APOLD1: variants seen among roughly 807,000 people sequenced by gnomAD.
APOLD1 encodes the protein apolipoprotein L domain containing 1.
In APOLD1, 22 loss-of-function variants were observed where a neutral mutation model predicts 15.3. The observed-to-expected ratio is 1.44, with a 90% confidence interval of 1.03 to 2.05. APOLD1 has a LOEUF of 2.05. APOLD1 is among the 30% of genes most tolerant of loss of function. The pLI, the probability that APOLD1 is intolerant of heterozygous loss-of-function variation, is 0.00. For missense variants in APOLD1, 394 were observed against 353.5 expected, an observed-to-expected ratio of 1.11 and a Z score of -0.92; for synonymous variants, 190 against 167.4, an observed-to-expected ratio of 1.13 and a Z score of -1.04.
At chr12:12,782,256 CTCAAACAA>C (rs1350981776), upstream of APOLD1, among the ~76,000 whole-genome samples, 3 of 129,526 alleles carry the variant, frequency 2.3e-5, no homozygotes, top group African/African-American at 9.9e-5. Context: ...AAGACTCCGT[CTCAAACAA>C]ACAAACAAAC....
chr12:12,726,373 G>T, intron 1 of APOLD1: 1 of 521,336 alleles, frequency 1.9e-6, no homozygotes, highest in Non-Finnish European at 3.5e-6. Flanking sequence ...TTGATTTCTG[G>T]GTACGGAAAT....
intron 1 of APOLD1, among the ~76,000 whole-genome samples, chr12:12,735,377 G>T (rs1946676469): frequency 6.6e-6 from 1 of 152,110 alleles, no homozygotes; most frequent in Non-Finnish European, 1.5e-5. Flanking sequence ...CCCTCCTAAA[G>T]AAATGACTTT....
At chr12:12,760,638 T>C (rs1592300290) in intron 1 of APOLD1, among the ~76,000 whole-genome samples, 1 of 121,556 alleles carries the variant, frequency 8.2e-6, no homozygotes, top group African/African-American at 3.3e-5. Context: ...AAACTCTGTC[T>C]CAAAAAAAAA....
intron 1 of APOLD1, among the ~76,000 whole-genome samples, chr12:12,730,760 TA>T (rs1421685403): frequency 1.0e-4 from 15 of 145,784 alleles, no homozygotes; most frequent in African/African-American, 3.1e-4. Flanking sequence ...ATAACTCTCA[TA>T]GGGTATTAAA....
intron 1 of APOLD1, among the ~76,000 whole-genome samples, chr12:12,740,457 C>T (rs570811576): frequency 6.6e-6 from 1 of 152,276 alleles, no homozygotes; most frequent in East Asian, 1.9e-4. Context: ...TTTGCTTCAG[C>T]CCTGAGGTCC....
chr12:12,759,600 A>G (rs1181686550), intron 1 of APOLD1, among the ~76,000 whole-genome samples: 1 of 152,218 alleles, frequency 6.6e-6, no homozygotes, highest in Non-Finnish European at 1.5e-5. Flanking sequence ...CGCACTTCCT[A>G]CAAGGACAGT....
intron 1 of APOLD1, among the ~76,000 whole-genome samples, chr12:12,765,954 T>C (rs917812858): frequency 6.6e-6 from 1 of 152,158 alleles, no homozygotes; most frequent in Admixed American, 6.5e-5. Context: ...GGATCCTCTG[T>C]TGCAAAGATC....
At position 12,788,254 on chromosome 12, in the gene APOLD1, T is replaced by G. The variant is rs1483272799; in HGVS notation, c.*602T>G. On this transcript the variant is annotated 3_prime_UTR_variant, in exon 2 of 2. Coordinates refer to ENST00000356591, the MANE Select transcript of APOLD1 (RefSeq NM_030817.3). ...TCCCAGATGCGGCCTGGGTATGAAG[T>G]AGGCCTTTCCTGAGTGGCTCCCAAT... 3 of 152,408 alleles carry G rather than the reference T, an allele frequency of 2.0e-5. No homozygotes were observed. The highest frequency in any genetic ancestry group is 7.2e-5 in the African/African-American group (3 of 41,436). The allele number at this position is 152,408 out of a possible 1,614,324, so 9.4% of individuals were successfully genotyped here. A position where few individuals can be genotyped will look rare whatever the true frequency, so the allele number is the denominator to read the frequency against.
intron 1 of APOLD1, among the ~76,000 whole-genome samples, chr12:12,761,735 T>C (rs1946899822): frequency 6.6e-6 from 1 of 151,802 alleles, no homozygotes; most frequent in African/African-American, 2.4e-5. Flanking sequence ...AAAATGTCTG[T>C]ATATGAGAGG....
chr12:12,726,083 C>G (rs1946589489), exon 1 of APOLD1: 2 of 1,525,826 alleles, frequency 1.3e-6, no homozygotes, highest in African/African-American at 2.8e-5. Context: ...TGCACCTTCC[C>G]CTGCCTTGGA....
Position 12,790,413 on chromosome 12 carries a change from A to G in APOLD1, c.*2761A>G, listed in dbSNP as rs575123799. On this transcript the variant is annotated 3_prime_UTR_variant, in exon 2 of 2. Coordinates refer to ENST00000356591, the MANE Select transcript of APOLD1 (RefSeq NM_030817.3). ...TTCACATTATTAGTTGTGTTATGGC[A>G]TAAAGGTACAACCATTCCCTAACTC... 5 of 152,372 alleles carry G rather than the reference A, an allele frequency of 3.3e-5. No individual in the cohort carries two copies. In the East Asian group the frequency reaches 9.6e-4, roughly 29 times the overall value. The allele number at this position is 152,372 out of a possible 1,614,324, so 9.4% of individuals were successfully genotyped here.
chr12:12,767,317 G>A (rs1369317602), intron 1 of APOLD1, among the ~76,000 whole-genome samples: 1 of 151,998 alleles, frequency 6.6e-6, no homozygotes, highest in Non-Finnish European at 1.5e-5. Context: ...ACCACTGATT[G>A]GAGTTATTCA....
Position 12,787,608 on chromosome 12 carries a change from G to A in APOLD1, c.703G>A (p.Asp235Asn), listed in dbSNP as rs745946407. 1.2e-6 allele frequency: 2 copies of A among 1,610,042 alleles called. No individual in the cohort carries two copies. The highest frequency in any genetic ancestry group is 8.5e-7 in the Non-Finnish European group (1 of 1,179,932). ...CTGCACCAAGTCCAGTCGTGGCCAC[G>A]ACCTCAAGATCTCTGCTGACCAGCG... The part of the protein sequence containing the change: ...QLCTKSSRGH[D>N]LKISADQRAG... Residue 235 changes from aspartate (D) to asparagine (N), a missense_variant, in exon 2 of 2, where the codon GAC becomes AAC. Coordinates refer to ENST00000356591, the MANE Select transcript of APOLD1 (RefSeq NM_030817.3). The surrounding 1 kb of genome is among the most constrained non-coding windows in gnomAD (Gnocchi z 4.9).
At chr12:12,749,162 C>T (rs768458901) in intron 1 of APOLD1, among the ~76,000 whole-genome samples, 4 of 151,894 alleles carry the variant, frequency 2.6e-5, no homozygotes, top group Non-Finnish European at 4.4e-5. Flanking sequence ...TCTGGGTATG[C>T]GATTCTGCTT....
intron 1 of APOLD1, among the ~76,000 whole-genome samples, chr12:12,777,380 C>T (rs1200142954): frequency 1.3e-5 from 2 of 152,102 alleles, no homozygotes; most frequent in Admixed American, 6.6e-5. Flanking sequence ...TACAAAACGA[C>T]TGATGTCCTT....
At chr12:12,728,116 C>T (rs2136364765) in intron 1 of APOLD1, among the ~76,000 whole-genome samples, 1 of 152,134 alleles carries the variant, frequency 6.6e-6, no homozygotes, top group Admixed American at 6.5e-5. Context: ...CAGATGTGTG[C>T]CACCACATCC....
At chr12:12,770,533 C>G (rs1488791983) in intron 1 of APOLD1, among the ~76,000 whole-genome samples, 1 of 146,946 alleles carries the variant, frequency 6.8e-6, no homozygotes, top group Admixed American at 6.8e-5. Context: ...CAAGAGAAAC[C>G]TCCCAAACTG....
chr12:12,777,189 C>G (rs957141592), intron 1 of APOLD1, among the ~76,000 whole-genome samples: 1 of 152,174 alleles, frequency 6.6e-6, no homozygotes, highest in Non-Finnish European at 1.5e-5. Flanking sequence ...CTTTTACCAT[C>G]TCCCACTTGA....
chr12:12,726,465 AT>A (rs1377558318), intron 1 of APOLD1: 3 of 286,416 alleles, frequency 1.0e-5, no homozygotes, highest in Admixed American at 4.8e-5. Context: ...TGGAAATGAC[AT>A]TCTTTATGAA....
Sources: gnomAD v4.1 joint callset for allele counts (sites outside exome capture counted in the v4.1 genomes callset) on GRCh38, gnomAD v4.1.1 for gene constraint, Gnocchi (gnomAD v3.1) non-coding constraint, MANE v1.5 for transcripts, NCBI Gene and HGNC (gene_info 2026-07-23, HGNC 2026-07-21) for gene names.